The following SIK3 variants were observed in gnomAD, a reference collection of about 807,000 sequenced individuals.
SIK3 encodes the protein SIK family kinase 3.
Under a neutral mutation model 144.2 loss-of-function variants are expected in SIK3, and 28 were observed. The observed-to-expected ratio is 0.19, with a 90% confidence interval of 0.14 to 0.27. The LOEUF (loss-of-function observed/expected upper bound fraction) is 0.27, where lower values mean the gene tolerates loss of function less well. Among genes scored for constraint, SIK3 ranks in the 10% least tolerant of loss-of-function variants. The pLI is 1.00. For synonymous variants in SIK3, 686 were observed against 676.3 expected (o/e 1.01, Z -0.22); for missense variants, 1,319 against 1,776.0 (o/e 0.74, Z 4.62).
chr11:117,036,086 G>T (rs1395189430), intron 1 of SIK3: 3 of 798,356 alleles, frequency 3.8e-6, no homozygotes, highest in African/African-American at 3.5e-5. Context: ...CGCCGGAAAG[G>T]TTAATTTTTT....
rs1941938425 is a variant in SIK3, at chr11:116,846,246, CTG to C, written c.*13+135_*13+136del. 1 of 846,008 alleles carries C rather than the reference CTG, an allele frequency of 1.2e-6. No individual in the cohort carries two copies. Among genetic ancestry groups the C allele is most frequent in the Non-Finnish European group, 1.8e-6 (1 of 543,388 alleles). The allele number at this position is 846,008 out of a possible 1,614,324, so 52.4% of individuals were successfully genotyped here. Reference sequence around the variant, plus strand: ...AGCGTCGTTAATGAAAAGCAAGAAACTGTGAAGGCCACGAGGGGAGGCGTGGT... The same window carrying C: ...AGCGTCGTTAATGAAAAGCAAGAAACTGAAGGCCACGAGGGGAGGCGTGGT... On this transcript the variant is annotated intron_variant, in intron 24 of 24. Coordinates refer to ENST00000445177, the MANE Select transcript of SIK3 (RefSeq NM_001366686.3). This position sits in a 1 kb window ranked among gnomAD's most constrained non-coding sequence, Gnocchi z 4.1.
intron 1 of SIK3, among the ~76,000 whole-genome samples, chr11:117,061,464 T>G (rs1171296969): frequency 6.6e-6 from 1 of 152,208 alleles, no homozygotes; most frequent in East Asian, 1.9e-4. Context: ...TAAACTTCTC[T>G]AAGTGTCAGT....
At chr11:116,893,169 G>T (rs1429378364) in intron 6 of SIK3, among the ~76,000 whole-genome samples, 2 of 152,202 alleles carry the variant, frequency 1.3e-5, no homozygotes, top group African/African-American at 4.8e-5. Flanking sequence ...CACAGAATGT[G>T]TAACACTGAG....
chr11:116,873,979 A>G lies in SIK3; in HGVS notation c.1505T>C (p.Val502Ala), dbSNP rs1256967828. Residue 502 changes from valine (V) to alanine (A), a missense_variant, in exon 12 of 25, where the codon GTG becomes GCG. Val to Ala is a moderately conservative substitution (Grantham distance 64, BLOSUM62 0). Around this residue, in one of 8 missense-constraint regions of SIK3, gnomAD observed 167 missense variants for 263.3 expected, o/e 0.63. Transcript: ENST00000445177. ...GTGCATGAAGTTCACATTAGGGGCC[A>G]CCTGCAGGAATGGAGCCTGGGGGTT... Reference protein sequence around the residue: ...GVNPQAPFLQVAPNVNFMHNL... With the variant: ...GVNPQAPFLQAAPNVNFMHNL... The G allele has an allele frequency of 6.2e-7, 1 of 1,614,070 alleles. No homozygotes were observed. The highest frequency in any genetic ancestry group is 8.5e-7 in the Non-Finnish European group (1 of 1,179,990).
At chr11:117,077,984 G>A (rs1301662404) in intron 1 of SIK3, among the ~76,000 whole-genome samples, 1 of 152,190 alleles carries the variant, frequency 6.6e-6, no homozygotes, top group African/African-American at 2.4e-5. Context: ...CCCCTATTAT[G>A]CTCTTTGAGA....
chr11:116,892,319 T>C (rs1012912511), intron 6 of SIK3, among the ~76,000 whole-genome samples: 4 of 152,054 alleles, frequency 2.6e-5, no homozygotes, highest in Non-Finnish European at 4.4e-5. Flanking sequence ...GAATATGGCG[T>C]CTCAGAAGCA....
At chr11:116,921,472 C>A (rs893855268) in intron 4 of SIK3, among the ~76,000 whole-genome samples, 1 of 152,120 alleles carries the variant, frequency 6.6e-6, no homozygotes, top group Non-Finnish European at 1.5e-5. Flanking sequence ...TTCTAGATTA[C>A]CTCCACAAAT....
chr11:116,960,359 C>A (rs1324770634), intron 1 of SIK3, among the ~76,000 whole-genome samples: 1 of 151,936 alleles, frequency 6.6e-6, no homozygotes, highest in African/African-American at 2.4e-5. Flanking sequence ...GACCTCATCT[C>A]TACAAAAAAT....
At chr11:116,875,018 A>C in intron 11 of SIK3, 140 bp downstream of exon 11, 1 of 643,172 alleles carries the variant, frequency 1.6e-6, no homozygotes, top group Non-Finnish European at 2.8e-6. Flanking sequence ...AAGTTACATC[A>C]TATCATTTGT....
intron 1 of SIK3, among the ~76,000 whole-genome samples, chr11:116,964,057 G>A (rs1335186463): frequency 6.6e-6 from 1 of 152,150 alleles, no homozygotes; most frequent in Non-Finnish European, 1.5e-5. Context: ...TACCCAGGCT[G>A]GAGTGCAGTG....
In SIK3 at chr11:117,018,719, TA is replaced by T. The variant is rs200202737; in HGVS notation, c.274-61656del. ...ATCATTGTTTTTATTTTATTTTATT[TA>T]TTTTTTTTTTTTGAAACAGTTTCAC... On this transcript the variant is annotated intron_variant, in intron 1 of 24. Coordinates refer to ENST00000445177, the MANE Select transcript of SIK3 (RefSeq NM_001366686.3). Among the ~76,000 whole-genome samples, 585 of 149,720 alleles carry T rather than the reference TA, an allele frequency of 3.9e-3. 4 individuals carry two copies. The highest frequency in any genetic ancestry group is 5.3e-3 in the Non-Finnish European group (358 of 67,396).
chr11:116,991,552 C>T (rs951030561), intron 1 of SIK3, among the ~76,000 whole-genome samples: 5 of 152,176 alleles, frequency 3.3e-5, no homozygotes, highest in Non-Finnish European at 7.3e-5. Flanking sequence ...GTTACAAATT[C>T]ATTATTTAAC....
Position 116,853,450 on chromosome 11 carries a change from G to A in SIK3, c.3656-4167C>T, listed in dbSNP as rs566250086. ...TAAAGCTAAGAGAGTGCAGAGGTGG[G>A]ATGATCGTCCGATCACACAAGGGGA... On this transcript the variant is annotated intron_variant, in intron 21 of 24. Transcript: ENST00000445177. 2.5e-4 allele frequency among the ~76,000 whole-genome samples: 38 copies of A among 152,336 alleles called. 1 individual carries two copies. In the South Asian group the frequency reaches 7.9e-3, roughly 32 times the overall value.
chr11:116,881,449 T>C (rs1315937719), intron 6 of SIK3, among the ~76,000 whole-genome samples: 1 of 152,160 alleles, frequency 6.6e-6, no homozygotes, highest in African/African-American at 2.4e-5. Flanking sequence ...GATGACTTTG[T>C]GGGGAGAGAG....
chr11:116,929,437 G>C (rs1439574028), intron 3 of SIK3, among the ~76,000 whole-genome samples: 2 of 152,196 alleles, frequency 1.3e-5, no homozygotes, highest in Admixed American at 1.3e-4. Context: ...AAATGCTGCA[G>C]AATGATTAAT....
chr11:117,024,245 C>A (rs1429300702), intron 1 of SIK3, among the ~76,000 whole-genome samples: 1 of 150,660 alleles, frequency 6.6e-6, no homozygotes, highest in Non-Finnish European at 1.5e-5. Context: ...ATTAATCTGA[C>A]TTTTGTCAGT....
At chr11:116,954,663 G>C (rs1438822241) in intron 2 of SIK3, among the ~76,000 whole-genome samples, 1 of 152,072 alleles carries the variant, frequency 6.6e-6, no homozygotes, top group Non-Finnish European at 1.5e-5. Context: ...AGTAACGTAA[G>C]TGATTTGTGT....
At position 117,056,002 on chromosome 11, in the gene SIK3, T is replaced by C. The variant is rs948358726; in HGVS notation, c.273+42141A>G. Among the ~76,000 whole-genome samples the C allele has an allele frequency of 3.3e-5, 5 of 152,236 alleles. 1 individual carries two copies. Among genetic ancestry groups the C allele is most frequent in the Admixed American group, 6.5e-5 (1 of 15,278 alleles). On this transcript the variant is annotated intron_variant, in intron 1 of 24. Coordinates refer to ENST00000445177, the MANE Select transcript of SIK3 (RefSeq NM_001366686.3). The stretch of plus-strand genomic sequence containing the variant: ...TTTATAAATTACCCAGTGTCAGGTA[T>C]TCTCCTATAGCAGCACAAAAGAACT...
At chr11:117,032,441 G>A (rs554874920) in intron 1 of SIK3, among the ~76,000 whole-genome samples, 1 of 152,258 alleles carries the variant, frequency 6.6e-6, no homozygotes, top group African/African-American at 2.4e-5. Flanking sequence ...GGTATTGCAT[G>A]TATTTCCATG....
Sources: allele counts gnomAD v4.1 joint callset (sites outside exome capture counted in the v4.1 genomes callset), GRCh38; gene constraint gnomAD v4.1.1; regional missense constraint gnomAD v4.1.1; non-coding constraint Gnocchi (gnomAD v3.1); transcripts MANE v1.5; gene names NCBI Gene and HGNC (gene_info 2026-07-23, HGNC 2026-07-21).